PDK3: variants seen among roughly 807,000 people sequenced by gnomAD.
PDK3 encodes pyruvate dehydrogenase kinase, isozyme 3.
PDK3 carries 12 observed loss-of-function variants against 32.0 expected under a neutral mutation model. That is an observed-to-expected ratio of 0.37 (90% CI 0.24 to 0.61). PDK3 has a LOEUF of 0.61. Ranked by LOEUF, PDK3 falls within the 20% of genes least tolerant of loss-of-function variation. The pLI is 0.65. For missense variants in PDK3, 188 were observed against 316.9 expected, an observed-to-expected ratio of 0.59 and a Z score of 3.09; for synonymous variants, 122 against 116.3, an observed-to-expected ratio of 1.05 and a Z score of -0.31.
In PDK3 at chrX:24,478,532, G is replaced by A. The variant is rs761027037; in HGVS notation, c.106+12971G>A. Among the ~76,000 whole-genome samples, 9 of 111,774 alleles carry A rather than the reference G, an allele frequency of 8.1e-5. No individual in the cohort carries two copies. The East Asian group carries it at 2.0e-3, about 24-fold the overall frequency. ...CCTATTTCGCTTTTATGGCAGGAAG[G>A]CTAGTTTACGCTATACTTGCCTTCG... On this transcript the variant is annotated intron_variant, in intron 1 of 10. Coordinates refer to ENST00000379162, the MANE Select transcript of PDK3 (RefSeq NM_005391.5).
chrX:24,505,390 A>G, intron 5 of PDK3, 92 bp downstream of exon 5: 1 of 594,855 alleles, frequency 1.7e-6, no homozygotes, highest in East Asian at 3.6e-5. Flanking sequence ...TTTGCAGTGC[A>G]GTCTGCTGAT....
rs377427056 is a variant in PDK3, at chrX:24,528,072, G to A, written c.853-4G>A. 1.0e-5 allele frequency: 11 copies of A among 1,077,941 alleles called. No homozygotes were observed. Among genetic ancestry groups the A allele is most frequent in the Non-Finnish European group, 1.3e-5 (10 of 773,960 alleles). The allele number at this position is 1,077,941 out of a possible 1,213,427, so 88.8% of individuals were successfully genotyped here. ...TTTGATTGTTAACATTTTGAACATT[G>A]CAGATCAGTGACCTAGGTGGTGGTG... On this transcript the variant is annotated splice_polypyrimidine_tract_variant and splice_region_variant and intron_variant, in intron 8 of 10. Transcript: ENST00000379162.
At chrX:24,528,310 G>A in intron 9 of PDK3, 124 bp downstream of exon 9, 1 of 424,874 alleles carries the variant, frequency 2.4e-6, no homozygotes. Flanking sequence ...GTGTATTATG[G>A]TTTGGAGGAG....
intron 1 of PDK3, among the ~76,000 whole-genome samples, chrX:24,475,322 T>C (rs1921087405): frequency 1.8e-5 from 2 of 110,536 alleles, no homozygotes; most frequent in South Asian, 3.8e-4. Context: ...GGTAAAGATA[T>C]CTAACTTGGC....
intron 1 of PDK3, among the ~76,000 whole-genome samples, chrX:24,469,189 A>AATT (rs1168864934): frequency 8.9e-6 from 1 of 112,050 alleles, no homozygotes; most frequent in Non-Finnish European, 1.9e-5. Context: ...CCCTCCAGTG[A>AATT]ATTATTATAT....
At chrX:24,525,081 C>T (rs937173167) in intron 6 of PDK3, among the ~76,000 whole-genome samples, 3 of 111,611 alleles carry the variant, frequency 2.7e-5, no homozygotes, top group African/African-American at 6.5e-5. Flanking sequence ...CGCTTGAACC[C>T]GGGAGGTGGA....
At chrX:24,478,767 A>G (rs771740030) in intron 1 of PDK3, among the ~76,000 whole-genome samples, 12 of 112,287 alleles carry the variant, frequency 1.1e-4, no homozygotes, top group Non-Finnish European at 2.3e-4. Context: ...ACTCAGTGGT[A>G]TGTTATTTCC....
exon 12 of PDK3, chrX:24,548,374 A>G (rs185435601): frequency 2.3e-3 from 257 of 112,463 alleles, no homozygotes; most frequent in African/African-American, 6.0e-3. Flanking sequence ...TCTATTTTCC[A>G]TTGGAACTGA....
chrX:24,530,961 A>G (rs1333917901), intron 9 of PDK3, among the ~76,000 whole-genome samples: 1 of 111,697 alleles, frequency 9.0e-6, no homozygotes, highest in Non-Finnish European at 1.9e-5. Flanking sequence ...TTCACTTGCA[A>G]AAGCAAGGAA....
At chrX:24,548,171 T>C (rs1007315150) in exon 12 of PDK3, 7 of 112,129 alleles carry the variant, frequency 6.2e-5, no homozygotes, top group Non-Finnish European at 1.3e-4. Flanking sequence ...AACTAGAGTA[T>C]TGTAATCTCA....
At chrX:24,496,568 C>CTGTTTTTTTTTTTTT (rs1921708460) in intron 2 of PDK3, among the ~76,000 whole-genome samples, 1 of 39,324 alleles carries the variant, frequency 2.5e-5, no homozygotes, top group Non-Finnish European at 4.4e-5. Context: ...CTACCCCCAT[C>CTGTTTTTTTTTTTTT]TTTTTTTTTT....
intron 5 of PDK3, 69 bp from the exon 6 acceptor site, chrX:24,518,855 ACACACACAC>A: frequency 1.9e-6 from 1 of 539,124 alleles, no homozygotes; most frequent in Admixed American, 3.2e-5. Context: ...ACACACACAC[ACACACACAC>A]ACACACACAC....
At position 24,547,464 on chromosome X, in the gene PDK3, C is replaced by T. The variant is rs1441578332; in HGVS notation, c.*8300C>T. 4 of 111,478 alleles carry T rather than the reference C, an allele frequency of 3.6e-5. No homozygotes were observed. In the East Asian group the frequency reaches 8.3e-4, roughly 23 times the overall value. 9.2% of individuals were successfully genotyped at this position (111,478 alleles called of 1,213,427 possible). A position where few individuals can be genotyped will look rare whatever the true frequency, so the allele number is the denominator to read the frequency against. On this transcript the variant is annotated 3_prime_UTR_variant, in exon 12 of 12. Transcript: ENST00000568479. Reference sequence around the variant, plus strand: ...AATTTTATTAAGCACTTTAGTTAAGCAAACACTAAGGAGAACAAAATCAAC... The same window carrying T: ...AATTTTATTAAGCACTTTAGTTAAGTAAACACTAAGGAGAACAAAATCAAC...
chrX:24,534,837 G>A (rs937648318), downstream of PDK3, among the ~76,000 whole-genome samples: 17 of 112,109 alleles, frequency 1.5e-4, no homozygotes, highest in African/African-American at 4.9e-4. Context: ...TGGGTCTGTA[G>A]TCCTAGCTAC....
intron 2 of PDK3, among the ~76,000 whole-genome samples, chrX:24,498,581 C>G (rs1158058818): frequency 9.0e-6 from 1 of 111,668 alleles, no homozygotes; most frequent in Admixed American, 9.6e-5. Flanking sequence ...TAGGCTTAGA[C>G]CTAAACTATT....
intron 1 of PDK3, among the ~76,000 whole-genome samples, chrX:24,487,537 TCA>T (rs1187919367): frequency 4.5e-5 from 5 of 111,972 alleles, no homozygotes; most frequent in African/African-American, 1.6e-4. Flanking sequence ...TAATATGTTC[TCA>T]GTTATATTTT....
chrX:24,542,915 C>T (rs982500374), exon 12 of PDK3, among the ~76,000 whole-genome samples: 6 of 112,105 alleles, frequency 5.4e-5, no homozygotes, highest in Middle Eastern at 4.6e-3. Context: ...GGCTGGCTAT[C>T]GGATTCTTGG....
At chrX:24,510,737 A>G (rs1922096902) in intron 5 of PDK3, among the ~76,000 whole-genome samples, 1 of 111,761 alleles carries the variant, frequency 8.9e-6, no homozygotes, top group African/African-American at 3.3e-5. Context: ...AATCTGTGAT[A>G]CTCATTATCT....
chrX:24,529,023 T>C lies in PDK3; in HGVS notation c.963+837T>C, dbSNP rs1922585573. On this transcript the variant is annotated intron_variant, in intron 9 of 10. Coordinates refer to ENST00000379162, the MANE Select transcript of PDK3 (RefSeq NM_005391.5). ...GAATAAAATCAAACACTTTGCATCA[T>C]TTATTTGAGACAGAGTTTGTTAACT... is the stretch of plus-strand genomic sequence containing the variant. 2.7e-5 allele frequency among the ~76,000 whole-genome samples: 3 copies of C among 112,652 alleles called. No homozygotes were observed. The South Asian group carries it at 1.1e-3, about 41-fold the overall frequency.
Sources: allele counts gnomAD v4.1 joint callset (sites outside exome capture counted in the v4.1 genomes callset), GRCh38; gene constraint gnomAD v4.1.1; transcripts MANE v1.5; gene names NCBI Gene and HGNC (gene_info 2026-07-23, HGNC 2026-07-21).